Variants in TRAT1 observed in about 807,000 individuals in gnomAD.
TRAT1 encodes the protein T cell receptor associated transmembrane adaptor 1.
A neutral mutation model predicts 20.0 loss-of-function variants in TRAT1; 20 were observed. That is an observed-to-expected ratio of 1.00 (90% confidence interval 0.70 to 1.45). TRAT1 has a LOEUF of 1.45. Ranked by LOEUF, TRAT1 falls within the 40% of genes most tolerant of loss-of-function variation. The pLI is 0.00. For synonymous variants in TRAT1, 77 were observed against 74.2 expected, an observed-to-expected ratio of 1.04 and a Z score of -0.20; for missense variants, 237 against 224.1, an observed-to-expected ratio of 1.06 and a Z score of -0.37.
chr3:108,849,646 T>C (rs1185219625), intron 5 of TRAT1, among the ~76,000 whole-genome samples: 1 of 152,170 alleles, frequency 6.6e-6, no homozygotes, highest in African/African-American at 2.4e-5. Flanking sequence ...CCTTTAGTTA[T>C]AAGATAAATT....
chr3:108,846,552 T>C (rs888775453), intron 3 of TRAT1, among the ~76,000 whole-genome samples: 5 of 152,176 alleles, frequency 3.3e-5, no homozygotes, highest in African/African-American at 1.2e-4. Context: ...AAACATGGTT[T>C]TAAGAGATTG....
intron 3 of TRAT1, among the ~76,000 whole-genome samples, chr3:108,844,464 G>T (rs1215141792): frequency 6.6e-6 from 1 of 150,794 alleles, no homozygotes; most frequent in Non-Finnish European, 1.5e-5. Context: ...AATGGACTTT[G>T]ATCACAAACT....
At position 108,844,883 on chromosome 3, in the gene TRAT1, A is replaced by G. The variant is rs1213272477; in HGVS notation, c.153-2185A>G. On this transcript the variant is annotated intron_variant, in intron 3 of 5. Coordinates refer to ENST00000295756, the MANE Select transcript of TRAT1 (RefSeq NM_016388.4). ...AAAAAAAAAAAAGAAATACGTGTAT[A>G]TATATATGAAAGCACAAAGTCTGGA... Among the ~76,000 whole-genome samples, 6 of 147,786 alleles carry G rather than the reference A, an allele frequency of 4.1e-5. No individual in the cohort carries two copies. In the East Asian group the frequency reaches 1.2e-3, roughly 29 times the overall value.
Position 108,849,216 on chromosome 3 carries a change from T to A in TRAT1, c.265T>A (p.Ser89Thr). ...YEQMKARPEK[S>T]VNKMQEATPS... Reference sequence around the variant, plus strand: ...ACAAATGAAAGCCCGACCAGAGAAATCTGTAAATAAGATGCAGGAAGCCAC... The same window carrying A: ...ACAAATGAAAGCCCGACCAGAGAAAACTGTAAATAAGATGCAGGAAGCCAC... Residue 89 changes from serine to threonine, a missense_variant, in exon 5 of 6, where the codon TCT becomes ACT. By Grantham distance (58) the Ser-to-Thr change is moderately conservative (BLOSUM62 1). Coordinates refer to ENST00000295756, the MANE Select transcript of TRAT1 (RefSeq NM_016388.4). 6.2e-7 allele frequency: 1 copy of A among 1,614,076 alleles called. No homozygotes were observed. Among genetic ancestry groups the A allele is most frequent in the Non-Finnish European group, 8.5e-7 (1 of 1,179,982 alleles).
Position 108,853,210 on chromosome 3 carries a change from T to C in TRAT1, c.304-410T>C, listed in dbSNP as rs541039216. ...GACCAATTGTTAGGTACATGTAAAG[T>C]AGACCCTTGTGATTTGGTAAACTCC... On this transcript the variant is annotated intron_variant, in intron 5 of 5. Coordinates refer to ENST00000295756, the MANE Select transcript of TRAT1 (RefSeq NM_016388.4). 2.0e-5 allele frequency among the ~76,000 whole-genome samples: 3 copies of C among 152,308 alleles called. No individual in the cohort carries two copies. The East Asian group carries it at 5.8e-4, about 29-fold the overall frequency.
At chr3:108,836,365 T>C (rs186170462) in intron 2 of TRAT1, among the ~76,000 whole-genome samples, 1 of 152,360 alleles carries the variant, frequency 6.6e-6, no homozygotes, top group African/African-American at 2.4e-5. Flanking sequence ...CTTTTTCTTA[T>C]TCTTATTAAG....
intron 1 of TRAT1, among the ~76,000 whole-genome samples, chr3:108,830,325 T>C (rs775655488): frequency 6.6e-6 from 1 of 152,216 alleles, no homozygotes; most frequent in African/African-American, 2.4e-5. Context: ...GTGAAAAGTA[T>C]AGCAAACTAG....
At chr3:108,846,514 C>T (rs527400757) in intron 3 of TRAT1, among the ~76,000 whole-genome samples, 2 of 152,318 alleles carry the variant, frequency 1.3e-5, no homozygotes, top group Non-Finnish European at 2.9e-5. Context: ...TTTATTGCAT[C>T]TGCTAACCTC....
intron 3 of TRAT1, among the ~76,000 whole-genome samples, chr3:108,840,194 G>A (rs920840645): frequency 6.6e-6 from 1 of 152,030 alleles, no homozygotes. Flanking sequence ...CACAAAATCT[G>A]TTTTTATGAC....
chr3:108,836,095 A>AT (rs1441155011), intron 2 of TRAT1, among the ~76,000 whole-genome samples: 8 of 151,238 alleles, frequency 5.3e-5, no homozygotes, highest in Non-Finnish European at 1.2e-4. Flanking sequence ...AATTTTTTGT[A>AT]TTTTAGTAGA....
At chr3:108,848,358 G>A (rs138530066) in intron 4 of TRAT1, among the ~76,000 whole-genome samples, 24 of 152,234 alleles carry the variant, frequency 1.6e-4, no homozygotes, top group Non-Finnish European at 1.2e-4. Flanking sequence ...TTATTAAGTC[G>A]CTTTTCTTAT....
intron 5 of TRAT1, among the ~76,000 whole-genome samples, chr3:108,850,161 T>C (rs1247264242): frequency 1.3e-5 from 2 of 152,182 alleles, no homozygotes; most frequent in East Asian, 1.9e-4. Context: ...ACTTAGGTAC[T>C]AAGTAAGTAG....
intron 1 of TRAT1, among the ~76,000 whole-genome samples, chr3:108,827,381 T>G (rs1173609961): frequency 1.0e-5 from 1 of 99,046 alleles, no homozygotes; most frequent in Non-Finnish European, 2.1e-5. Context: ...AAAGTATGTG[T>G]GTATGTGTGT....
Position 108,830,779 on chromosome 3 carries a change from A to G in TRAT1, c.117A>G (p.Gln39=). Residue 39 remains glutamine (Q), a splice_region_variant and synonymous_variant, in exon 2 of 6, where the codon CAA becomes CAG. Coordinates refer to ENST00000295756, the MANE Select transcript of TRAT1 (RefSeq NM_016388.4). The part of the protein sequence containing the change: ...NISHYVEKQR[Q]DKMYSYSSDH... The stretch of plus-strand genomic sequence containing the variant: ...CCCACTATGTGGAAAAGCAACGACA[A>G]GGTAAGACATTTTGACAAATTTCAC... The G allele has an allele frequency of 1.9e-6, 3 of 1,603,368 alleles. No homozygotes were observed. The highest frequency in any genetic ancestry group is 2.6e-6 in the Non-Finnish European group (3 of 1,170,304).
At chr3:108,838,725 A>G (rs1418584658) in intron 2 of TRAT1, among the ~76,000 whole-genome samples, 1 of 152,116 alleles carries the variant, frequency 6.6e-6, no homozygotes, top group African/African-American at 2.4e-5. Context: ...AGTCATATAA[A>G]TCTTTCTTTC....
chr3:108,853,447 CTA>C (rs1302088565), intron 5 of TRAT1, among the ~76,000 whole-genome samples, 171 bp from the exon 6 acceptor site: 2 of 152,112 alleles, frequency 1.3e-5, no homozygotes, highest in Non-Finnish European at 2.9e-5. Flanking sequence ...TGTTGGCTGA[CTA>C]TAGTTTTCTG....
chr3:108,849,700 A>T (rs1945980921), intron 5 of TRAT1, among the ~76,000 whole-genome samples: 1 of 152,226 alleles, frequency 6.6e-6, no homozygotes, highest in Non-Finnish European at 1.5e-5. Flanking sequence ...AAGGCAGATG[A>T]CTTTCAATTT....
At chr3:108,844,724 G>A (rs188690694) in intron 3 of TRAT1, among the ~76,000 whole-genome samples, 1 of 150,558 alleles carries the variant, frequency 6.6e-6, no homozygotes, top group Non-Finnish European at 1.5e-5. Flanking sequence ...GGCGCCTGTA[G>A]TCCCAGCTAC....
chr3:108,827,593 T>C (rs1945753595), intron 1 of TRAT1, among the ~76,000 whole-genome samples: 1 of 152,072 alleles, frequency 6.6e-6, no homozygotes, highest in Non-Finnish European at 1.5e-5. Context: ...CAAATAAAAA[T>C]CTTCCTGTTT....
Sources: allele counts gnomAD v4.1 joint callset (sites outside exome capture counted in the v4.1 genomes callset), GRCh38; gene constraint gnomAD v4.1.1; transcripts MANE v1.5; gene names NCBI Gene and HGNC (gene_info 2026-07-23, HGNC 2026-07-21).